Variants in FAP observed in about 807,000 individuals in gnomAD.
FAP encodes fibroblast activation protein alpha, also known as prolyl endopeptidase FAP.
FAP carries 110 observed loss-of-function variants against 126.5 expected under a neutral mutation model. The ratio of observed to expected loss-of-function variants is 0.87; its 90% CI spans 0.74 to 1.02. The LOEUF (loss-of-function observed/expected upper bound fraction) is 1.02. Ranked by LOEUF, FAP falls within the 50% of genes least tolerant of loss-of-function variation. The probability of loss-of-function intolerance (pLI) is 0.00; values close to 1 mark genes in which losing one functional copy is unlikely to be tolerated. For missense variants in FAP, 919 were observed against 909.2 expected (o/e 1.01, Z -0.14); for synonymous variants, 334 against 297.3 (o/e 1.12, Z -1.27).
At chr2:162,231,190 T>A (rs1355228452) in intron 2 of FAP, among the ~76,000 whole-genome samples, 3 of 152,206 alleles carry the variant, frequency 2.0e-5, no homozygotes, top group African/African-American at 4.8e-5. Context: ...GGGTCATTAT[T>A]TTCTAGTGTT....
Position 162,229,445 on chromosome 2 carries a change from T to C in FAP, c.92-2824A>G, listed in dbSNP as rs550891587. On this transcript the variant is annotated intron_variant, in intron 2 of 25. Coordinates refer to ENST00000188790, the MANE Select transcript of FAP (RefSeq NM_004460.5). Reference sequence around the variant, plus strand: ...AGTTCCAGACAAGGCTATTAGTATATACAATTGAGCTTTACTTTTATTCTA... The same window carrying C: ...AGTTCCAGACAAGGCTATTAGTATACACAATTGAGCTTTACTTTTATTCTA... Among the ~76,000 whole-genome samples, 7 of 152,298 alleles carry C rather than the reference T, an allele frequency of 4.6e-5. No individual in the cohort carries two copies. The South Asian group carries it at 1.4e-3, about 32-fold the overall frequency.
intron 2 of FAP, among the ~76,000 whole-genome samples, chr2:162,229,828 A>G (rs969246783): frequency 1.3e-5 from 2 of 149,248 alleles, no homozygotes; most frequent in Admixed American, 6.7e-5. Flanking sequence ...ATAAATGCCA[A>G]CAATCGATAT....
chr2:162,218,768 A>G (rs992441717), intron 8 of FAP, among the ~76,000 whole-genome samples: 2 of 152,060 alleles, frequency 1.3e-5, no homozygotes, highest in African/African-American at 4.8e-5. Flanking sequence ...CTAAAGAAAA[A>G]GTAAACATGA....
chr2:162,175,237 C>T (rs1687444537), intron 21 of FAP: 1 of 205,778 alleles, frequency 4.9e-6, no homozygotes, highest in Non-Finnish European at 9.7e-6. Context: ...AAGAGATAGA[C>T]AGAATTTCAA....
intron 21 of FAP, among the ~76,000 whole-genome samples, chr2:162,180,858 G>A (rs1166286727): frequency 2.0e-5 from 3 of 152,190 alleles, no homozygotes; most frequent in Non-Finnish European, 1.5e-5. Flanking sequence ...GAAGAGAGGT[G>A]TGTGCTGGTG....
At chr2:162,237,022 GT>G (rs940709525) in intron 2 of FAP, among the ~76,000 whole-genome samples, 2 of 151,928 alleles carry the variant, frequency 1.3e-5, no homozygotes, top group South Asian at 2.1e-4. Flanking sequence ...AAATAATACT[GT>G]TTTTATTATT....
At chr2:162,195,648 T>C (rs944912682) in intron 16 of FAP, among the ~76,000 whole-genome samples, 3 of 152,130 alleles carry the variant, frequency 2.0e-5, no homozygotes, top group African/African-American at 7.2e-5. Flanking sequence ...CACACCAGTG[T>C]CCACTACATA....
chr2:162,189,347 C>T (rs1364106355), intron 18 of FAP, among the ~76,000 whole-genome samples, 175 bp from the exon 19 acceptor site: 1 of 151,640 alleles, frequency 6.6e-6, no homozygotes, highest in Non-Finnish European at 1.5e-5. Flanking sequence ...GTATAAATGA[C>T]TAGAAACCTT....
At chr2:162,181,096 A>T (rs1687681780) in intron 21 of FAP, among the ~76,000 whole-genome samples, 1 of 151,902 alleles carries the variant, frequency 6.6e-6, no homozygotes. Context: ...GCAACATGAC[A>T]AAATCTTGTC....
In FAP at chr2:162,219,187, A is replaced by G. The variant is rs1485916051; in HGVS notation, c.487-4T>C. ...TATTGTTTTGATAGACATATGCCTA[A>G]AAGTGGTGGTAAGGGGAAATTCCAC... On this transcript the variant is annotated splice_polypyrimidine_tract_variant and splice_region_variant and intron_variant, in intron 7 of 25. Coordinates refer to ENST00000188790, the MANE Select transcript of FAP (RefSeq NM_004460.5). 6.2e-6 allele frequency: 10 copies of G among 1,601,752 alleles called. No individual in the cohort carries two copies. The highest frequency in any genetic ancestry group is 1.3e-5 in the African/African-American group (1 of 74,504).
rs1687356454 is a variant in FAP at position 162,172,750 on chromosome 2, A to G, written c.2181+61T>C. On this transcript the variant is annotated intron_variant, in intron 25 of 25. Coordinates refer to ENST00000188790, the MANE Select transcript of FAP (RefSeq NM_004460.5). Reference sequence around the variant, plus strand: ...AAAAGTTAAAAAAAATAAAAATATGAACCCCTCCTTTTAGCTTGAGGGTCT... The same window carrying G: ...AAAAGTTAAAAAAAATAAAAATATGGACCCCTCCTTTTAGCTTGAGGGTCT... The G allele has an allele frequency of 5.5e-6, 6 of 1,096,486 alleles. No individual in the cohort carries two copies. In the South Asian group the frequency reaches 7.8e-5, roughly 14 times the overall value. The allele number at this position is 1,096,486 out of a possible 1,614,324, so 67.9% of individuals were successfully genotyped here.
intron 17 of FAP, among the ~76,000 whole-genome samples, chr2:162,194,376 G>T (rs560695750): frequency 1.3e-5 from 2 of 150,122 alleles, no homozygotes; most frequent in East Asian, 2.0e-4. Context: ...TTGGAAGGAA[G>T]ATCGTACTGA....
intron 16 of FAP, chr2:162,197,835 A>G (rs2106239415): frequency 2.9e-6 from 1 of 341,558 alleles, no homozygotes; most frequent in African/African-American, 2.2e-5. Context: ...AGGGTAGCAT[A>G]CATTTTGTAA....
intron 8 of FAP, 63 bp from the exon 9 acceptor site, chr2:162,218,203 A>C: frequency 6.7e-6 from 7 of 1,042,018 alleles, no homozygotes; most frequent in Non-Finnish European, 6.9e-6. Flanking sequence ...CATTGTAAAT[A>C]CTTCTAAATA....
intron 8 of FAP, 131 bp from the exon 9 acceptor site, chr2:162,218,271 G>GA: frequency 1.7e-6 from 1 of 587,306 alleles, no homozygotes; most frequent in East Asian, 3.3e-5. Flanking sequence ...TCATACTTTG[G>GA]TTATTAAAAA....
At chr2:162,202,761 A>C in intron 14 of FAP, 111 bp downstream of exon 14, 1 of 746,334 alleles carries the variant, frequency 1.3e-6, no homozygotes, top group Non-Finnish European at 2.2e-6. Context: ...AACTGTCTGA[A>C]TTATAGAGTA....
chr2:162,208,898 A>T (rs1688814553), intron 12 of FAP, among the ~76,000 whole-genome samples: 1 of 151,054 alleles, frequency 6.6e-6, no homozygotes. Flanking sequence ...CATTTATTGT[A>T]TATAATAAAT....
chr2:162,179,803 TATATATA>T (rs1559761528), intron 21 of FAP, among the ~76,000 whole-genome samples: 5 of 140,594 alleles, frequency 3.6e-5, no homozygotes, highest in African/African-American at 1.1e-4. Flanking sequence ...TATATATATA[TATATATA>T]TATTTTTTTT....
At chr2:162,240,368 C>T (rs1313202190) in intron 2 of FAP, among the ~76,000 whole-genome samples, 1 of 152,176 alleles carries the variant, frequency 6.6e-6, no homozygotes, top group Non-Finnish European at 1.5e-5. Context: ...CCTTTTAATC[C>T]TGAAGCTGGT....
Sources: gnomAD v4.1 joint callset for allele counts (sites outside exome capture counted in the v4.1 genomes callset) on GRCh38, gnomAD v4.1.1 for gene constraint, MANE v1.5 for transcripts, NCBI Gene and HGNC (gene_info 2026-07-23, HGNC 2026-07-21) for gene names.